The following SKA3 variants were observed in gnomAD, a reference collection of about 807,000 sequenced individuals.
SKA3 encodes spindle and kinetochore-associated protein 3.
A neutral mutation model predicts 44.2 loss-of-function variants in SKA3; 39 were observed. The ratio of observed to expected loss-of-function variants is 0.88; its 90% CI spans 0.68 to 1.15. The LOEUF (loss-of-function observed/expected upper bound fraction) is 1.15. Among genes scored for constraint, SKA3 ranks in the 50% most tolerant of loss-of-function variants. SKA3 has a pLI of 0.00. For synonymous variants in SKA3, 192 were observed against 172.0 expected (o/e 1.12, Z -0.91); for missense variants, 511 against 485.8 (o/e 1.05, Z -0.49).
At chr13:21,171,403 C>T (rs372918385) in intron 3 of SKA3, among the ~76,000 whole-genome samples, 1 of 151,932 alleles carries the variant, frequency 6.6e-6, no homozygotes, top group East Asian at 1.9e-4. Flanking sequence ...AGTGAAACCC[C>T]GTCTCTAATA....
chr13:21,157,066 C>A (rs1263272144), intron 7 of SKA3, among the ~76,000 whole-genome samples: 38 of 6,030 alleles, frequency 6.3e-3, no homozygotes, highest in South Asian at 0.018. Flanking sequence ...GACTCCGTCT[C>A]AAAAAAAAAA....
chr13:21,160,298 G>A (rs1409927082), intron 5 of SKA3, among the ~76,000 whole-genome samples: 1 of 152,144 alleles, frequency 6.6e-6, no homozygotes, highest in African/African-American at 2.4e-5. Context: ...TTCTGACAAA[G>A]GAGGAGGAAG....
intron 4 of SKA3, among the ~76,000 whole-genome samples, chr13:21,165,795 C>T (rs772137976): frequency 2.6e-5 from 4 of 152,010 alleles, no homozygotes; most frequent in South Asian, 2.1e-4. Flanking sequence ...ATTAGCCAGG[C>T]GTGGTGGCTC....
At chr13:21,164,483 T>C (rs1870600696) in intron 4 of SKA3, among the ~76,000 whole-genome samples, 1 of 152,262 alleles carries the variant, frequency 6.6e-6, no homozygotes, top group Non-Finnish European at 1.5e-5. Context: ...GAATCAACTC[T>C]TTCCATGATA....
At chr13:21,173,726 G>A (rs950268056) in intron 1 of SKA3, among the ~76,000 whole-genome samples, 3 of 152,114 alleles carry the variant, frequency 2.0e-5, no homozygotes, top group Admixed American at 2.0e-4. Flanking sequence ...TTTCCACTGC[G>A]TGATACCATA....
In SKA3 at chr13:21,157,138, G is replaced by C. The variant is rs369181740; in HGVS notation, c.1119+784C>G. Among the ~76,000 whole-genome samples, 10 of 152,314 alleles carry C rather than the reference G, an allele frequency of 6.6e-5. No individual in the cohort carries two copies. The South Asian group carries it at 2.1e-3, about 32-fold the overall frequency. On this transcript the variant is annotated intron_variant, in intron 7 of 8. Coordinates refer to ENST00000314759, the MANE Select transcript of SKA3 (RefSeq NM_145061.6). ...GCCAAACACTGTAACTCCTATTAAGGAGGGGGACTGTCAAAGAATCAGACT... is the reference window on the plus strand; with the variant it reads ...GCCAAACACTGTAACTCCTATTAAGCAGGGGGACTGTCAAAGAATCAGACT...
intron 4 of SKA3, among the ~76,000 whole-genome samples, chr13:21,163,756 T>C (rs1870562043): frequency 6.6e-6 from 1 of 152,132 alleles, no homozygotes; most frequent in Non-Finnish European, 1.5e-5. Context: ...TGGTCAATTG[T>C]ATTTCTTCTG....
chr13:21,162,277 C>T (rs1405224956), intron 4 of SKA3, among the ~76,000 whole-genome samples: 3 of 152,008 alleles, frequency 2.0e-5, no homozygotes, highest in Admixed American at 6.5e-5. Flanking sequence ...TCACTGAATA[C>T]AAGATAGTTC....
At position 21,161,772 on chromosome 13, in the gene SKA3, C is replaced by G. The variant is rs370648548; in HGVS notation, c.829+18G>C. 1.0e-5 allele frequency: 12 copies of G among 1,182,756 alleles called. No homozygotes were observed. The African/African-American group carries it at 1.2e-4, about 11-fold the overall frequency. The allele number at this position is 1,182,756 out of a possible 1,614,324, so 73.3% of individuals were successfully genotyped here. ...TGGGAAAAATGTTCCTGAGAAGTAA[C>G]TTGATTCTTATACTTACCACTTTTT... On this transcript the variant is annotated intron_variant, in intron 5 of 8. Transcript: ENST00000314759.
At chr13:21,160,117 A>G in intron 5 of SKA3, 130 bp from the exon 6 acceptor site, 1 of 541,854 alleles carries the variant, frequency 1.8e-6, no homozygotes, top group East Asian at 3.2e-5. Flanking sequence ...ATGCAAGAGT[A>G]ATACACAATA....
chr13:21,165,166 T>C (rs1214045317), intron 4 of SKA3, among the ~76,000 whole-genome samples: 1 of 152,004 alleles, frequency 6.6e-6, no homozygotes, highest in African/African-American at 2.4e-5. Flanking sequence ...GAATCATCTT[T>C]ACTTCAAAAA....
At chr13:21,172,837 GTACCTTTTT>G (rs1302793793) in intron 1 of SKA3, 156 bp from the exon 2 acceptor site, 17 of 334,262 alleles carry the variant, frequency 5.1e-5, no homozygotes, top group South Asian at 4.1e-4. Context: ...ATTTTTTACC[GTACCTTTTT>G]TATGTTTAGA....
At chr13:21,175,555 C>G (rs900602824) in intron 1 of SKA3, among the ~76,000 whole-genome samples, 2 of 152,180 alleles carry the variant, frequency 1.3e-5, no homozygotes, top group African/African-American at 2.4e-5. Context: ...GGATTACAGG[C>G]GTGAGCCACC....
intron 3 of SKA3, among the ~76,000 whole-genome samples, chr13:21,170,647 C>T (rs1870987207): frequency 6.6e-6 from 1 of 152,156 alleles, no homozygotes; most frequent in African/African-American, 2.4e-5. Flanking sequence ...AAAGTTCTTG[C>T]TACAAGAGTT....
intron 4 of SKA3, among the ~76,000 whole-genome samples, chr13:21,162,725 A>G (rs1224935252): frequency 2.0e-5 from 3 of 152,184 alleles, no homozygotes; most frequent in East Asian, 1.9e-4. Flanking sequence ...AGTATGGCAC[A>G]TATACAAAAG....
At position 21,170,909 on chromosome 13, in the gene SKA3, TTGTATGTA is replaced by T. The variant is rs74392336; in HGVS notation, c.331+1422_331+1429del. 9.8e-4 allele frequency among the ~76,000 whole-genome samples: 148 copies of T among 150,592 alleles called. 1 individual carries two copies. The highest frequency in any genetic ancestry group is 1.1e-3 in the Admixed American group (17 of 15,000). On this transcript the variant is annotated intron_variant, in intron 3 of 8. Transcript: ENST00000314759. ...GGGTGGTGGTGGTGGTATGGGTTGT[TTGTATGTA>T]TGTATGTATGTATGTATTTTATTTA...
chr13:21,156,094 C>T (rs1870103615), intron 7 of SKA3, among the ~76,000 whole-genome samples: 2 of 148,902 alleles, frequency 1.3e-5, no homozygotes, highest in Non-Finnish European at 3.0e-5. Context: ...GGCTGAGGCC[C>T]AAGAATTACT....
intron 5 of SKA3, among the ~76,000 whole-genome samples, chr13:21,161,016 G>A (rs1285792384): frequency 1.3e-5 from 2 of 152,154 alleles, no homozygotes; most frequent in African/African-American, 4.8e-5. Context: ...CCTGCTACGT[G>A]GGGGCTGAGG....
At chr13:21,167,777 A>C (rs1456597587) in intron 4 of SKA3, among the ~76,000 whole-genome samples, 1 of 151,668 alleles carries the variant, frequency 6.6e-6, no homozygotes, top group Non-Finnish European at 1.5e-5. Flanking sequence ...GAAAAAAAAA[A>C]ACAAAAAAAA....
Sources: allele counts gnomAD v4.1 joint callset (sites outside exome capture counted in the v4.1 genomes callset), GRCh38; gene constraint gnomAD v4.1.1; transcripts MANE v1.5; gene names NCBI Gene and HGNC (gene_info 2026-07-23, HGNC 2026-07-21).